The following RARS2 variants were observed in gnomAD, a reference collection of about 807,000 sequenced individuals.
The protein encoded by RARS2 is arginyl-tRNA synthetase 2, mitochondrial, also known as probable arginine--tRNA ligase, mitochondrial.
Under a neutral mutation model 88.5 loss-of-function variants are expected in RARS2, and 67 were observed. The ratio of observed to expected loss-of-function variants is 0.76; its 90% confidence interval spans 0.62 to 0.93. The LOEUF (loss-of-function observed/expected upper bound fraction) is 0.93. Ranked by LOEUF, RARS2 falls within the 40% of genes least tolerant of loss-of-function variation. The pLI is 0.00. For synonymous variants in RARS2, 239 were observed against 230.3 expected, an observed-to-expected ratio of 1.04 and a Z score of -0.34; for missense variants, 664 against 684.2, an observed-to-expected ratio of 0.97 and a Z score of 0.33.
intron 8 of RARS2, among the ~76,000 whole-genome samples, chr6:87,532,573 T>C (rs898862043): frequency 6.6e-6 from 1 of 152,238 alleles, no homozygotes; most frequent in Non-Finnish European, 1.5e-5. Flanking sequence ...GTGCACCTTG[T>C]GTGACTCCAC....
intron 4 of RARS2, among the ~76,000 whole-genome samples, chr6:87,556,380 A>G (rs1184159941): frequency 6.6e-6 from 1 of 152,104 alleles, no homozygotes; most frequent in Admixed American, 6.6e-5. Context: ...ATCACGGCTC[A>G]CTGAAGCCTC....
Position 87,518,629 on chromosome 6 carries a change from C to T in RARS2, c.1415+1G>A, listed in dbSNP as rs1317340252. The T allele has an allele frequency of 6.2e-7, 1 of 1,609,924 alleles. No homozygotes were observed. The highest frequency in any genetic ancestry group is 2.2e-5 in the East Asian group (1 of 44,862). On this transcript the variant is annotated splice_donor_variant, in intron 16 of 19. Coordinates refer to ENST00000369536, the MANE Select transcript of RARS2 (RefSeq NM_020320.5). LOFTEE classifies it high-confidence loss of function. ...AAGGTTTCCCTGCAGCCTCTTCTCA[C>T]CTGTGGAGGCGGGCGTGTGTGTACT...
chr6:87,530,344 T>C (rs1031847215), intron 9 of RARS2, among the ~76,000 whole-genome samples: 1 of 152,204 alleles, frequency 6.6e-6, no homozygotes, highest in Middle Eastern at 3.2e-3. Context: ...AAAAACATAG[T>C]TGTTTCTTGC....
intron 19 of RARS2, among the ~76,000 whole-genome samples, chr6:87,514,708 G>A (rs1432470968): frequency 6.6e-6 from 1 of 152,174 alleles, no homozygotes; most frequent in East Asian, 1.9e-4. Context: ...GGGAGTGATA[G>A]TATTATACAG....
chr6:87,535,990 A>C (rs1354265439), intron 8 of RARS2, among the ~76,000 whole-genome samples: 3 of 151,968 alleles, frequency 2.0e-5, no homozygotes, highest in Non-Finnish European at 2.9e-5. Context: ...TGGCCTATGT[A>C]ACCTTTTTTA....
At chr6:87,534,938 G>C (rs1362171549) in intron 8 of RARS2, among the ~76,000 whole-genome samples, 1 of 152,174 alleles carries the variant, frequency 6.6e-6, no homozygotes, top group Non-Finnish European at 1.5e-5. Flanking sequence ...CACAGGCTGG[G>C]ATACTAAACA....
intron 18 of RARS2, among the ~76,000 whole-genome samples, chr6:87,516,098 C>G (rs1273383073): frequency 1.3e-5 from 2 of 152,074 alleles, no homozygotes; most frequent in African/African-American, 2.4e-5. Context: ...TGTTAAGTGT[C>G]TGATTTCAAT....
chr6:87,541,865 C>T (rs1309860245), intron 8 of RARS2, 53 bp downstream of exon 8: 2 of 1,323,708 alleles, frequency 1.5e-6, no homozygotes, highest in South Asian at 2.4e-5. Context: ...AAACATGTTA[C>T]TAAGCTACAT....
chr6:87,526,277 G>T (rs1402527740), intron 10 of RARS2, among the ~76,000 whole-genome samples: 1 of 152,078 alleles, frequency 6.6e-6, no homozygotes, highest in Non-Finnish European at 1.5e-5. Flanking sequence ...GCACTTTGGG[G>T]GGCCAAGGCA....
At chr6:87,572,685 T>C (rs1038580751) in intron 1 of RARS2, among the ~76,000 whole-genome samples, 11 of 152,142 alleles carry the variant, frequency 7.2e-5, no homozygotes, top group African/African-American at 2.7e-4. Context: ...CCACCTCAGC[T>C]TCCTGAGTAG....
intron 16 of RARS2, 91 bp from the exon 17 acceptor site, chr6:87,518,355 C>T: frequency 6.3e-7 from 1 of 1,595,104 alleles, no homozygotes; most frequent in Non-Finnish European, 8.5e-7. Context: ...CCTTATAATA[C>T]ACAATTTTGG....
chr6:87,533,294 A>C (rs1314587647), intron 8 of RARS2, among the ~76,000 whole-genome samples: 1 of 151,508 alleles, frequency 6.6e-6, no homozygotes, highest in African/African-American at 2.4e-5. Context: ...TAAAACGTGA[A>C]TATTCTTAGT....
rs1562047503 is a variant in RARS2 at position 87,516,811 on chromosome 6, A to T, written c.1581T>A (p.Thr527=). Residue 527 remains threonine (T), a synonymous_variant, in exon 18 of 20, where the codon ACT becomes ACA. Coordinates refer to ENST00000369536, the MANE Select transcript of RARS2 (RefSeq NM_020320.5). ...ACAGGAAGATTATAAAGTACCTTAA[A>T]GTTAGAAGGTAACTGACGATATGCC... The part of the protein sequence containing the change: ...QPRHIVSYLL[T]LSHLAAVAHK... 1 of 1,613,610 alleles carries T rather than the reference A, an allele frequency of 6.2e-7. No individual in the cohort carries two copies. The highest frequency in any genetic ancestry group is 8.5e-7 in the Non-Finnish European group (1 of 1,179,706).
At chr6:87,549,158 C>A (rs1783576152) in intron 5 of RARS2, among the ~76,000 whole-genome samples, 1 of 151,914 alleles carries the variant, frequency 6.6e-6, no homozygotes, top group Non-Finnish European at 1.5e-5. Flanking sequence ...AGTTCTAGAC[C>A]ATCCTGGCCA....
chr6:87,541,777 T>C lies in RARS2; in HGVS notation c.612+141A>G, dbSNP rs564859139. The C allele has an allele frequency of 1.2e-4, 76 of 623,902 alleles. 1 individual carries two copies. Among genetic ancestry groups the C allele is most frequent in the South Asian group, 9.1e-4 (59 of 64,530 alleles). The allele number at this position is 623,902 out of a possible 1,614,324, so 38.6% of individuals were successfully genotyped here. ...AGGCAGAGGTTGCAGTGAGCTGAGA[T>C]TGCACCACTGCACTCCAGCCTGGGC... On this transcript the variant is annotated intron_variant, in intron 8 of 19. Transcript: ENST00000369536.
intron 1 of RARS2, among the ~76,000 whole-genome samples, chr6:87,580,055 G>A (rs1006388611): frequency 6.6e-6 from 1 of 152,104 alleles, no homozygotes; most frequent in Non-Finnish European, 1.5e-5. Context: ...ATGGTTTTAA[G>A]TTCACTTGTA....
chr6:87,530,240 C>T (rs536267894), intron 9 of RARS2, among the ~76,000 whole-genome samples: 4 of 152,338 alleles, frequency 2.6e-5, no homozygotes, highest in African/African-American at 7.2e-5. Context: ...ATCTTGCTTA[C>T]TTACTCCAGT....
At chr6:87,554,020 C>T (rs1260007247) in intron 5 of RARS2, among the ~76,000 whole-genome samples, 9 of 152,142 alleles carry the variant, frequency 5.9e-5, no homozygotes, top group Non-Finnish European at 1.0e-4. Flanking sequence ...CTAATCATAA[C>T]TAAGTTTAAA....
intron 5 of RARS2, among the ~76,000 whole-genome samples, chr6:87,554,765 T>G (rs956849302): frequency 3.3e-5 from 5 of 152,208 alleles, no homozygotes; most frequent in Admixed American, 6.6e-5. Context: ...TTAAAATTCC[T>G]AATATGGTAG....
Sources: allele counts gnomAD v4.1 joint callset (sites outside exome capture counted in the v4.1 genomes callset), GRCh38; gene constraint gnomAD v4.1.1; transcripts MANE v1.5; gene names NCBI Gene and HGNC (gene_info 2026-07-23, HGNC 2026-07-21).